PDE4D: variants seen among roughly 807,000 people sequenced by gnomAD.
PDE4D encodes phosphodiesterase 4D.
PDE4D carries 24 observed loss-of-function variants against 87.4 expected under a neutral mutation model. That is an observed-to-expected ratio of 0.27 (90% CI 0.20 to 0.39). PDE4D has a LOEUF of 0.39. Ranked by LOEUF, PDE4D falls within the 10% of genes least tolerant of loss-of-function variation. The pLI is 1.00. For missense variants in PDE4D, 714 were observed against 1,041.0 expected (o/e 0.69, Z 4.32); for synonymous variants, 384 against 383.2 (o/e 1.00, Z -0.02).
chr5:59,978,800 C>T (rs1306225253), intron 3 of PDE4D, among the ~76,000 whole-genome samples: 4 of 152,196 alleles, frequency 2.6e-5, no homozygotes, highest in Non-Finnish European at 5.9e-5. Flanking sequence ...TTGTCACAGC[C>T]ACCCCAATCT....
chr5:59,605,851 T>C (rs1050787295), intron 1 of PDE4D, among the ~76,000 whole-genome samples: 1 of 152,054 alleles, frequency 6.6e-6, no homozygotes, highest in Admixed American at 6.6e-5. Context: ...TGATCTGGGC[T>C]ATGGAACAGA....
intron 1 of PDE4D, among the ~76,000 whole-genome samples, chr5:60,244,445 A>G (rs1347380664): frequency 6.6e-6 from 1 of 151,898 alleles, no homozygotes; most frequent in Non-Finnish European, 1.5e-5. Context: ...AATAGAAAAA[A>G]AATCCTAAAA....
intron 2 of PDE4D, among the ~76,000 whole-genome samples, chr5:60,034,826 T>C (rs1767609941): frequency 6.6e-6 from 1 of 152,198 alleles, no homozygotes; most frequent in African/African-American, 2.4e-5. Context: ...AGATTCAAAA[T>C]GTTTAAAAAC....
At chr5:60,477,784 G>A (rs1423473) in intron 1 of PDE4D, among the ~76,000 whole-genome samples, 26,497 of 152,102 alleles carry the variant, frequency 0.17, 3,707 homozygotes, top group African/African-American at 0.38. Flanking sequence ...AGACACCACT[G>A]TGAAAACATC....
chr5:60,016,218 C>G (rs1434516853), intron 2 of PDE4D, among the ~76,000 whole-genome samples: 1 of 152,128 alleles, frequency 6.6e-6, no homozygotes, highest in African/African-American at 2.4e-5. Flanking sequence ...TTACATTGCA[C>G]TATCCTGCAG....
intron 1 of PDE4D, among the ~76,000 whole-genome samples, chr5:60,367,951 C>T (rs1024238122): frequency 6.6e-6 from 1 of 152,138 alleles, no homozygotes; most frequent in Non-Finnish European, 1.5e-5. Flanking sequence ...AGAGAAAGCA[C>T]ATTCTGTACG....
chr5:59,726,271 T>A (rs17742850), intron 1 of PDE4D, among the ~76,000 whole-genome samples: 7,279 of 152,230 alleles, frequency 0.048, 250 homozygotes, highest in Middle Eastern at 0.15. Context: ...AACTTCTACA[T>A]AAATCATAGC....
chr5:60,407,648 T>C (rs1741672467), intron 1 of PDE4D, among the ~76,000 whole-genome samples: 1 of 151,662 alleles, frequency 6.6e-6, no homozygotes. Flanking sequence ...AGATGGGGTT[T>C]CACCACATTG....
At chr5:59,943,842 G>GATATTTAACTGTTAAC (rs1263506456) in intron 3 of PDE4D, among the ~76,000 whole-genome samples, 5 of 152,056 alleles carry the variant, frequency 3.3e-5, no homozygotes, top group African/African-American at 1.2e-4. Context: ...TCCTTTAATT[G>GATATTTAACTGTTAAC]TGCAGTAACA....
chr5:60,104,304 G>T (rs922011302), intron 2 of PDE4D, among the ~76,000 whole-genome samples: 1 of 152,160 alleles, frequency 6.6e-6, no homozygotes, highest in Non-Finnish European at 1.5e-5. Context: ...AGCGAGGCTG[G>T]GGGAGAGGCG....
chr5:60,091,192 A>T (rs1236345496), intron 2 of PDE4D, among the ~76,000 whole-genome samples: 1 of 152,232 alleles, frequency 6.6e-6, no homozygotes, highest in Non-Finnish European at 1.5e-5. Flanking sequence ...AACAATGTAA[A>T]TGATCAACAG....
At chr5:59,228,454 A>G (rs1754354875) in intron 1 of PDE4D, among the ~76,000 whole-genome samples, 1 of 151,146 alleles carries the variant, frequency 6.6e-6, no homozygotes, top group African/African-American at 2.4e-5. Context: ...AAAAAAAACA[A>G]GCAAGCAAAG....
rs1162102313 is a variant in PDE4D, at chr5:59,595,287, C to T, written c.455+297881G>A. Among the ~76,000 whole-genome samples, 8 of 152,044 alleles carry T rather than the reference C, an allele frequency of 5.3e-5. No homozygotes were observed. In the East Asian group the frequency reaches 1.5e-3, roughly 29 times the overall value. ...CACATAGTTTCATTTTAACTAGATT[C>T]AATATCATTTAAAGTTTCTTTTTAA... is the stretch of plus-strand genomic sequence containing the variant. On this transcript the variant is annotated intron_variant, in intron 1 of 14. Coordinates refer to ENST00000340635, the MANE Select transcript of PDE4D (RefSeq NM_001104631.2).
intron 6 of PDE4D, among the ~76,000 whole-genome samples, chr5:58,999,264 CAGA>C (rs1366783689): frequency 2.6e-5 from 4 of 151,516 alleles, no homozygotes; most frequent in Admixed American, 6.6e-5. Context: ...ACATGACAAA[CAGA>C]AGAACTACTG....
chr5:59,193,315 A>C (rs1039827615), intron 3 of PDE4D, among the ~76,000 whole-genome samples, 185 bp downstream of exon 3: 1 of 152,204 alleles, frequency 6.6e-6, no homozygotes, highest in African/African-American at 2.4e-5. Context: ...GGTTTATAGG[A>C]AACAGATTAA....
intron 1 of PDE4D, among the ~76,000 whole-genome samples, chr5:59,431,368 TG>T (rs1472422194): frequency 6.6e-6 from 1 of 152,104 alleles, no homozygotes; most frequent in East Asian, 1.9e-4. Context: ...AAACCACAAG[TG>T]TTCAGGGTAA....
chr5:59,231,777 CT>C lies in PDE4D; in HGVS notation c.456-15810del, dbSNP rs528433361. On this transcript the variant is annotated intron_variant, in intron 1 of 14. Coordinates refer to ENST00000340635, the MANE Select transcript of PDE4D (RefSeq NM_001104631.2). ...TGTCTTTACTTCTACCACCTTCACA[CT>C]TCATTTAGGTTTTTTGTTTTGTTCC... is the stretch of plus-strand genomic sequence containing the variant. Among the ~76,000 whole-genome samples, 5 of 152,316 alleles carry C rather than the reference CT, an allele frequency of 3.3e-5. No homozygotes were observed. In the South Asian group the frequency reaches 1.0e-3, roughly 32 times the overall value.
intron 1 of PDE4D, among the ~76,000 whole-genome samples, chr5:59,312,799 C>T (rs1414333316): frequency 6.6e-6 from 1 of 152,140 alleles, no homozygotes; most frequent in Non-Finnish European, 1.5e-5. Context: ...AGGAGAAATG[C>T]AGGGACAAGA....
chr5:59,559,541 G>A (rs989763050), intron 1 of PDE4D, among the ~76,000 whole-genome samples: 1 of 152,172 alleles, frequency 6.6e-6, no homozygotes, highest in Non-Finnish European at 1.5e-5. Flanking sequence ...TTGGATATAA[G>A]CCACAGATAT....
Sources: allele counts gnomAD v4.1 joint callset (sites outside exome capture counted in the v4.1 genomes callset), GRCh38; gene constraint gnomAD v4.1.1; transcripts MANE v1.5; gene names NCBI Gene and HGNC (gene_info 2026-07-23, HGNC 2026-07-21).